Variants in HECW2 observed in about 807,000 individuals in gnomAD.
The protein encoded by HECW2 is HECT, C2 and WW domain containing E3 ubiquitin protein ligase 2, also known as E3 ubiquitin-protein ligase HECW2.
A neutral mutation model predicts 175.2 loss-of-function variants in HECW2; 61 were observed. The ratio of observed to expected loss-of-function variants is 0.35; its 90% CI spans 0.28 to 0.43. HECW2 has a LOEUF of 0.43. Among genes scored for constraint, HECW2 ranks in the 20% least tolerant of loss-of-function variants. The pLI, the probability that HECW2 is intolerant of heterozygous loss-of-function variation, is 1.00. For synonymous variants in HECW2, 671 were observed against 731.0 expected, an observed-to-expected ratio of 0.92 and a Z score of 1.32; for missense variants, 1,524 against 2,000.5, an observed-to-expected ratio of 0.76 and a Z score of 4.54.
At chr2:196,417,549 G>C (rs531906057) in intron 2 of HECW2, among the ~76,000 whole-genome samples, 1 of 152,268 alleles carries the variant, frequency 6.6e-6, no homozygotes, top group East Asian at 1.9e-4. Flanking sequence ...CGAGTAACTG[G>C]TACTACTGGC....
chr2:196,547,003 T>A (rs1306032350), intron 1 of HECW2, among the ~76,000 whole-genome samples: 1 of 152,210 alleles, frequency 6.6e-6, no homozygotes, highest in East Asian at 1.9e-4. Flanking sequence ...GCCACTGTTA[T>A]GTGACCTGAA....
At chr2:196,573,080 C>T (rs150336198) in intron 1 of HECW2, among the ~76,000 whole-genome samples, 1 of 151,916 alleles carries the variant, frequency 6.6e-6, no homozygotes, top group Non-Finnish European at 1.5e-5. Context: ...ATGAGAAATG[C>T]GATAATACAA....
intron 2 of HECW2, among the ~76,000 whole-genome samples, chr2:196,401,554 G>A (rs1315195212): frequency 2.0e-5 from 3 of 151,952 alleles, no homozygotes; most frequent in Non-Finnish European, 2.9e-5. Flanking sequence ...CTTTAAAAAC[G>A]CTACCTCAAA....
At chr2:196,521,282 C>CAAAAAAAAAAAAAA (rs1158051512) in intron 1 of HECW2, among the ~76,000 whole-genome samples, 7 of 53,692 alleles carry the variant, frequency 1.3e-4, no homozygotes, top group Admixed American at 2.6e-4. Flanking sequence ...ACGTGAGTAA[C>CAAAAAAAAAAAAAA]AAAAAAAAAA....
At chr2:196,471,336 G>A (rs2125350861) in intron 1 of HECW2, among the ~76,000 whole-genome samples, 1 of 152,306 alleles carries the variant, frequency 6.6e-6, no homozygotes, top group African/African-American at 2.4e-5. Flanking sequence ...CAAGGTTGCA[G>A]AGAAAATGGA....
At chr2:196,376,635 T>TA (rs33989452) in intron 2 of HECW2, among the ~76,000 whole-genome samples, 1,499 of 133,104 alleles carry the variant, frequency 0.011, 32 homozygotes, top group African/African-American at 0.04. Context: ...GACTCTGTCA[T>TA]AAAAAAAAAA....
intron 1 of HECW2, among the ~76,000 whole-genome samples, chr2:196,589,498 A>C (rs568240438): frequency 1.6e-4 from 24 of 152,210 alleles, no homozygotes; most frequent in Non-Finnish European, 2.9e-4. Flanking sequence ...GTGAACAGAC[A>C]CAACAGTTCT....
intron 1 of HECW2, among the ~76,000 whole-genome samples, chr2:196,496,213 G>C (rs1401536816): frequency 6.6e-6 from 1 of 151,830 alleles, no homozygotes; most frequent in East Asian, 1.9e-4. Flanking sequence ...TTGTATGTGT[G>C]TGTGTGTCTG....
At chr2:196,391,186 A>G (rs1403557677) in intron 2 of HECW2, among the ~76,000 whole-genome samples, 1 of 152,132 alleles carries the variant, frequency 6.6e-6, no homozygotes, top group East Asian at 1.9e-4. Context: ...TTTATCTTCT[A>G]CCAGGTGACC....
intron 10 of HECW2, chr2:196,315,633 A>C (rs1449305562): frequency 1.3e-5 from 2 of 152,234 alleles, no homozygotes. Flanking sequence ...ACTCATTAAA[A>C]GGAACTGCCA....
intron 21 of HECW2, among the ~76,000 whole-genome samples, chr2:196,235,757 G>A (rs1003453123): frequency 4.9e-5 from 7 of 142,408 alleles, no homozygotes; most frequent in Non-Finnish European, 9.0e-5. Context: ...CTGGGTTCAC[G>A]CCATTCTCCT....
chr2:196,544,204 C>G (rs1025051375), intron 1 of HECW2, among the ~76,000 whole-genome samples: 3 of 152,222 alleles, frequency 2.0e-5, no homozygotes, highest in African/African-American at 7.2e-5. Context: ...TGGCCTTGCT[C>G]TTATCCAAAG....
intron 1 of HECW2, among the ~76,000 whole-genome samples, chr2:196,447,443 AAC>A (rs1696219336): frequency 1.3e-5 from 2 of 152,210 alleles, no homozygotes; most frequent in Non-Finnish European, 2.9e-5. Flanking sequence ...TCCAACAATA[AAC>A]TGATGGCAAA....
intron 1 of HECW2, among the ~76,000 whole-genome samples, chr2:196,492,699 TG>T (rs969343803): frequency 1.3e-5 from 2 of 152,098 alleles, no homozygotes; most frequent in Non-Finnish European, 2.9e-5. Flanking sequence ...AAAGAAAATT[TG>T]GGGGGAAAAA....
At chr2:196,235,520 T>C (rs1055870462) in intron 21 of HECW2, among the ~76,000 whole-genome samples, 1 of 152,158 alleles carries the variant, frequency 6.6e-6, no homozygotes, top group Non-Finnish European at 1.5e-5. Flanking sequence ...ATCATTTCTC[T>C]TGACTCAACT....
chr2:196,427,795 T>C (rs1354301550), intron 2 of HECW2, among the ~76,000 whole-genome samples: 1 of 152,290 alleles, frequency 6.6e-6, no homozygotes, highest in East Asian at 1.9e-4. Context: ...TCAGGGTGTA[T>C]ATGAGGCTTT....
chr2:196,305,149 C>G (rs1324925957), intron 13 of HECW2, among the ~76,000 whole-genome samples: 4 of 152,178 alleles, frequency 2.6e-5, no homozygotes, highest in African/African-American at 9.7e-5. Flanking sequence ...TATAATTGCT[C>G]TCAAGTCTGG....
At chr2:196,356,420 A>G (rs1476078313) in intron 2 of HECW2, among the ~76,000 whole-genome samples, 1 of 152,238 alleles carries the variant, frequency 6.6e-6, no homozygotes, top group Admixed American at 6.5e-5. Context: ...AGAAACAAAC[A>G]ACTCATAAGT....
At chr2:196,383,975 G>A (rs1694277840) in intron 2 of HECW2, among the ~76,000 whole-genome samples, 1 of 152,118 alleles carries the variant, frequency 6.6e-6, no homozygotes, top group Non-Finnish European at 1.5e-5. Context: ...AATGGCAATG[G>A]GAATTGTACA....
Sources: allele counts gnomAD v4.1 joint callset (sites outside exome capture counted in the v4.1 genomes callset), GRCh38; gene constraint gnomAD v4.1.1; transcripts MANE v1.5; gene names NCBI Gene and HGNC (gene_info 2026-07-23, HGNC 2026-07-21).